MBOAT2: variants seen among roughly 807,000 people sequenced by gnomAD.
The protein encoded by MBOAT2 is membrane bound glycerophospholipid O-acyltransferase 2, also known as membrane-bound glycerophospholipid O-acyltransferase 2.
Under a neutral mutation model 63.4 loss-of-function variants are expected in MBOAT2, and 28 were observed. The observed-to-expected ratio is 0.44, with a 90% CI of 0.33 to 0.61. The LOEUF is 0.61. MBOAT2 is among the 20% of genes least tolerant of loss of function. The pLI, the probability that MBOAT2 is intolerant of heterozygous loss-of-function variation, is 0.03. For missense variants in MBOAT2, 470 were observed against 605.8 expected (o/e 0.78, Z 2.35); for synonymous variants, 211 against 215.6 (o/e 0.98, Z 0.19).
intron 3 of MBOAT2, among the ~76,000 whole-genome samples, chr2:8,912,042 C>G (rs1665745420): frequency 6.6e-6 from 1 of 151,908 alleles, no homozygotes; most frequent in Non-Finnish European, 1.5e-5. Flanking sequence ...ATCCTGCATA[C>G]CTTTATGATT....
chr2:8,934,929 G>C (rs1426511773), intron 3 of MBOAT2, among the ~76,000 whole-genome samples: 1 of 152,132 alleles, frequency 6.6e-6, no homozygotes, highest in Non-Finnish European at 1.5e-5. Flanking sequence ...CAGTAGAGTT[G>C]AGGCAGTTCC....
At chr2:8,925,166 C>G (rs1666849611) in intron 3 of MBOAT2, among the ~76,000 whole-genome samples, 1 of 152,090 alleles carries the variant, frequency 6.6e-6, no homozygotes, top group East Asian at 1.9e-4. Context: ...CCCTCTCACA[C>G]CCCAATGCCA....
intron 6 of MBOAT2, among the ~76,000 whole-genome samples, 156 bp downstream of exon 6, chr2:8,882,355 C>A (rs1436282727): frequency 1.3e-5 from 2 of 152,208 alleles, no homozygotes; most frequent in African/African-American, 2.4e-5. Context: ...GCCTGCCCAG[C>A]AGGCTTTGGC....
chr2:8,986,028 G>C (rs191633373), intron 1 of MBOAT2, among the ~76,000 whole-genome samples: 14 of 152,182 alleles, frequency 9.2e-5, no homozygotes, highest in Admixed American at 7.2e-4. Context: ...CATCAAGAGT[G>C]ATCAGTCACA....
intron 1 of MBOAT2, among the ~76,000 whole-genome samples, chr2:8,982,825 T>C (rs951720164): frequency 3.3e-5 from 5 of 152,168 alleles, no homozygotes; most frequent in Non-Finnish European, 7.3e-5. Flanking sequence ...TAAGGACCTG[T>C]TCCTTCCTCA....
At chr2:8,995,369 A>T (rs1672212555) in intron 1 of MBOAT2, among the ~76,000 whole-genome samples, 1 of 152,212 alleles carries the variant, frequency 6.6e-6, no homozygotes, top group Non-Finnish European at 1.5e-5. Context: ...GAGATTATAC[A>T]TACAGTCACC....
At chr2:8,932,819 T>A (rs1228105498) in intron 3 of MBOAT2, among the ~76,000 whole-genome samples, 1 of 151,336 alleles carries the variant, frequency 6.6e-6, no homozygotes, top group African/African-American at 2.4e-5. Context: ...AATTCCAAAG[T>A]CAAAGGCCAA....
intron 1 of MBOAT2, among the ~76,000 whole-genome samples, chr2:8,967,859 C>T (rs976052803): frequency 6.6e-6 from 1 of 151,884 alleles, no homozygotes; most frequent in African/African-American, 2.4e-5. Context: ...TAAAAAATTC[C>T]TTCATGGGCA....
chr2:8,893,312 C>T (rs1334415456), intron 4 of MBOAT2, among the ~76,000 whole-genome samples: 2 of 152,186 alleles, frequency 1.3e-5, no homozygotes. Flanking sequence ...GAAAACAGCA[C>T]TGCAGCTTCA....
chr2:8,902,415 G>C (rs1665016488), intron 4 of MBOAT2, among the ~76,000 whole-genome samples: 1 of 152,242 alleles, frequency 6.6e-6, no homozygotes, highest in Admixed American at 6.5e-5. Context: ...CCCTTGCAGT[G>C]AGTGTTACAG....
rs965805736 is a variant in MBOAT2, at chr2:9,003,679, G to T, written c.-65C>A. ...CGCTCGCGCTGTGCCGGGCGACGAC[G>T]AGGATGGGGATGCAGCGGCGCGCCC... On this transcript the variant is annotated 5_prime_UTR_variant, in exon 1 of 13. Transcript: ENST00000305997. This position sits in a 1 kb window ranked among gnomAD's most constrained non-coding sequence, Gnocchi z 5.4. 79 of 1,033,404 alleles carry T rather than the reference G, an allele frequency of 7.6e-5. No homozygotes were observed. The highest frequency in any genetic ancestry group is 8.2e-4 in the Middle Eastern group (2 of 2,438). The allele number at this position is 1,033,404 out of a possible 1,614,324, so 64.0% of individuals were successfully genotyped here. A position where few individuals can be genotyped will look rare whatever the true frequency, so the allele number is the denominator to read the frequency against.
intron 1 of MBOAT2, among the ~76,000 whole-genome samples, chr2:9,002,687 T>C (rs1201556998): frequency 6.6e-6 from 1 of 151,932 alleles, no homozygotes; most frequent in Non-Finnish European, 1.5e-5. Context: ...AACTTTCTTT[T>C]CTCAGTAAAA....
rs369309982 is a variant in MBOAT2, at chr2:8,918,276, G to A, written c.300-9560C>T. ...ACAATTTTTGCACAAGCCCTTTGCA[G>A]ATTCCTTCTTATCCTGGGGTCCCAG... is the stretch of plus-strand genomic sequence containing the variant. On this transcript the variant is annotated intron_variant, in intron 3 of 12. Transcript: ENST00000305997. Among the ~76,000 whole-genome samples, 4 of 152,206 alleles carry A rather than the reference G, an allele frequency of 2.6e-5. No individual in the cohort carries two copies. The East Asian group carries it at 7.7e-4, about 29-fold the overall frequency.
chr2:8,888,196 A>G lies in MBOAT2; in HGVS notation c.396-123T>C, dbSNP rs558959848. The G allele has an allele frequency of 1.3e-4, 109 of 836,356 alleles. 1 individual carries two copies. In the South Asian group the frequency reaches 1.8e-3, roughly 14 times the overall value. 51.8% of individuals were successfully genotyped at this position (836,356 alleles called of 1,614,324 possible). On this transcript the variant is annotated intron_variant, in intron 4 of 12. Transcript: ENST00000305997. ...AAATCCTGAAATTTTTAACATAAAA[A>G]AGACCTCCAAGGGATTTCAGCAATA...
intron 3 of MBOAT2, among the ~76,000 whole-genome samples, chr2:8,925,295 T>C (rs1666856818): frequency 6.6e-6 from 1 of 152,148 alleles, no homozygotes; most frequent in Non-Finnish European, 1.5e-5. Flanking sequence ...AGATCACTCA[T>C]CATTCTTCTA....
intron 1 of MBOAT2, among the ~76,000 whole-genome samples, chr2:8,982,090 T>C (rs1410338369): frequency 6.6e-6 from 1 of 152,230 alleles, no homozygotes; most frequent in South Asian, 2.1e-4. Context: ...TCCTCTCAGA[T>C]AGGCTGCTGT....
intron 1 of MBOAT2, among the ~76,000 whole-genome samples, chr2:8,979,227 T>C (rs781465923): frequency 2.0e-5 from 3 of 152,154 alleles, no homozygotes; most frequent in Admixed American, 6.5e-5. Flanking sequence ...ATATAAAAAG[T>C]ACTAACTTTT....
At chr2:8,946,917 T>C (rs1376858457) in intron 2 of MBOAT2, among the ~76,000 whole-genome samples, 2 of 152,126 alleles carry the variant, frequency 1.3e-5, no homozygotes, top group African/African-American at 4.8e-5. Context: ...AGTGTTCAAG[T>C]GAAAGGAAAA....
In MBOAT2 at chr2:8,908,503, A is replaced by G. The variant is rs183975867; in HGVS notation, c.395+118T>C. On this transcript the variant is annotated intron_variant, in intron 4 of 12. Transcript: ENST00000305997. Reference sequence around the variant, plus strand: ...ATTCTAAATTTAGAAAGAAATTTTCAACTAAAATGTTTAATAATAGCTTTT... The same window carrying G: ...ATTCTAAATTTAGAAAGAAATTTTCGACTAAAATGTTTAATAATAGCTTTT... The G allele has an allele frequency of 7.7e-5, 46 of 596,980 alleles. 1 individual carries two copies. The highest frequency in any genetic ancestry group is 5.5e-4 in the Admixed American group (16 of 29,336). 37.0% of individuals were successfully genotyped at this position (596,980 alleles called of 1,614,324 possible).
Sources: gnomAD v4.1 joint callset for allele counts (sites outside exome capture counted in the v4.1 genomes callset) on GRCh38, gnomAD v4.1.1 for gene constraint, Gnocchi (gnomAD v3.1) non-coding constraint, MANE v1.5 for transcripts, NCBI Gene and HGNC (gene_info 2026-07-23, HGNC 2026-07-21) for gene names.